Variants in ATP9B observed in about 807,000 individuals in gnomAD.
ATP9B encodes the protein ATPase phospholipid transporting 9B, also known as probable phospholipid-transporting ATPase IIB.
A neutral mutation model predicts 146.1 loss-of-function variants in ATP9B; 110 were observed. That is an observed-to-expected ratio of 0.75 (90% CI 0.65 to 0.88). ATP9B has a LOEUF of 0.88. Among genes scored for constraint, ATP9B ranks in the 40% least tolerant of loss-of-function variants. The pLI is 0.00. For missense variants in ATP9B, 1,499 were observed against 1,496.4 expected, an observed-to-expected ratio of 1.00 and a Z score of -0.03; for synonymous variants, 604 against 569.7, an observed-to-expected ratio of 1.06 and a Z score of -0.86.
chr18:79,268,289 G>A (rs1385043531), intron 12 of ATP9B, among the ~76,000 whole-genome samples: 1 of 151,716 alleles, frequency 6.6e-6, no homozygotes, highest in African/African-American at 2.4e-5. Flanking sequence ...TCTTGTAATT[G>A]GTTTAATTTT....
intron 13 of ATP9B, among the ~76,000 whole-genome samples, chr18:79,282,798 A>G (rs914742350): frequency 6.6e-6 from 1 of 152,154 alleles, no homozygotes; most frequent in African/African-American, 2.4e-5. Context: ...TCAATTGGAA[A>G]GGGCTTTGGA....
rs558448884 is a variant in ATP9B at position 79,098,018 on chromosome 18, A to G, written c.293+1369A>G. 1.5e-4 allele frequency among the ~76,000 whole-genome samples: 23 copies of G among 152,324 alleles called. 1 individual carries two copies. In the South Asian group the frequency reaches 3.9e-3, roughly 26 times the overall value. On this transcript the variant is annotated intron_variant, in intron 2 of 29. Coordinates refer to ENST00000426216, the MANE Select transcript of ATP9B (RefSeq NM_198531.5). The stretch of plus-strand genomic sequence containing the variant: ...ACAAGGCTACAGTAACCAAAACAGC[A>G]TGGTACTTGTACCAAAACAGAGATA...
At chr18:79,217,106 C>T (rs1413676112) in intron 11 of ATP9B, among the ~76,000 whole-genome samples, 11 of 152,264 alleles carry the variant, frequency 7.2e-5, no homozygotes, top group African/African-American at 2.7e-4. Context: ...CGTGACACGT[C>T]TCAAGACAAA....
At chr18:79,303,825 C>A in intron 14 of ATP9B, 109 bp downstream of exon 14, 1 of 651,382 alleles carries the variant, frequency 1.5e-6, no homozygotes, top group South Asian at 2.1e-5. Context: ...TCTTGGTGGT[C>A]TTAACATCCT....
At chr18:79,129,473 G>A (rs1008532169) in intron 5 of ATP9B, among the ~76,000 whole-genome samples, 2 of 152,156 alleles carry the variant, frequency 1.3e-5, no homozygotes, top group African/African-American at 4.8e-5. Flanking sequence ...GCCCAGGACA[G>A]GTTTTGTTTG....
chr18:79,181,744 T>C (rs1197154964), intron 8 of ATP9B, among the ~76,000 whole-genome samples: 4 of 152,238 alleles, frequency 2.6e-5, no homozygotes, highest in Non-Finnish European at 5.9e-5. Flanking sequence ...TCTCTGGATG[T>C]TTCATACGTT....
intron 13 of ATP9B, among the ~76,000 whole-genome samples, chr18:79,293,525 G>A (rs1473519599): frequency 1.3e-5 from 2 of 152,164 alleles, no homozygotes; most frequent in Non-Finnish European, 2.9e-5. Context: ...CTCCCATCAT[G>A]GGGCGGCCTG....
intron 7 of ATP9B, among the ~76,000 whole-genome samples, chr18:79,163,877 C>CACACACA (rs141030618): frequency 6.0e-5 from 9 of 150,388 alleles, no homozygotes; most frequent in African/African-American, 1.7e-4. Flanking sequence ...TATACACACA[C>CACACACA]ACACACACAC....
chr18:79,360,919 C>T (rs1445273975), intron 26 of ATP9B: 1 of 152,154 alleles, frequency 6.6e-6, no homozygotes, highest in African/African-American at 2.4e-5. Flanking sequence ...AGCAAAGATC[C>T]AAAAACTTCG....
chr18:79,299,764 A>G (rs1168837418), intron 13 of ATP9B: 1 of 152,260 alleles, frequency 6.6e-6, no homozygotes, highest in African/African-American at 2.4e-5. Flanking sequence ...AGGTTACAGC[A>G]GGATTTGGAC....
chr18:79,361,175 T>C (rs185280383), intron 26 of ATP9B: 1 of 152,328 alleles, frequency 6.6e-6, no homozygotes, highest in Admixed American at 6.5e-5. Flanking sequence ...AAACTTGTCA[T>C]AGGACTGTCA....
chr18:79,326,419 C>T (rs964906547), intron 15 of ATP9B, among the ~76,000 whole-genome samples: 14 of 134,944 alleles, frequency 1.0e-4, no homozygotes, highest in Admixed American at 2.2e-4. Context: ...TCTGTACCCT[C>T]CCTCCCCTCA....
At chr18:79,199,415 T>A (rs534878120) in intron 9 of ATP9B, among the ~76,000 whole-genome samples, 1 of 152,344 alleles carries the variant, frequency 6.6e-6, no homozygotes, top group African/African-American at 2.4e-5. Flanking sequence ...ATACCTAGTC[T>A]GTAGTCTTTT....
intron 25 of ATP9B, among the ~76,000 whole-genome samples, chr18:79,350,540 A>T (rs12607209): frequency 0.88 from 134,055 of 152,184 alleles, 59,160 homozygotes; most frequent in East Asian, 1. Flanking sequence ...TTATTTCATG[A>T]CTCTACGTGA....
intron 5 of ATP9B, among the ~76,000 whole-genome samples, chr18:79,129,552 C>T (rs1216633292): frequency 6.6e-6 from 1 of 152,074 alleles, no homozygotes; most frequent in Non-Finnish European, 1.5e-5. Flanking sequence ...TTTGTCAGAA[C>T]ACTGGCTGAA....
chr18:79,178,257 C>T (rs921436946), intron 8 of ATP9B, among the ~76,000 whole-genome samples: 5 of 152,130 alleles, frequency 3.3e-5, no homozygotes, highest in African/African-American at 7.2e-5. Flanking sequence ...TCACCAGCAC[C>T]GGATGAGTGA....
chr18:79,107,709 A>G (rs1273993042), intron 2 of ATP9B, among the ~76,000 whole-genome samples: 2 of 152,020 alleles, frequency 1.3e-5, no homozygotes, highest in African/African-American at 4.8e-5. Flanking sequence ...CAAGTGATTC[A>G]TTTTTTTCCC....
intron 25 of ATP9B, among the ~76,000 whole-genome samples, chr18:79,358,980 T>C: frequency 6.6e-6 from 1 of 151,816 alleles, no homozygotes; most frequent in South Asian, 2.1e-4. Flanking sequence ...TCCGTGTGGA[T>C]GCTGGTGGTG....
At chr18:79,180,658 G>A (rs1006897188) in intron 8 of ATP9B, among the ~76,000 whole-genome samples, 3 of 152,154 alleles carry the variant, frequency 2.0e-5, no homozygotes, top group Non-Finnish European at 4.4e-5. Flanking sequence ...TCTTTCCTGT[G>A]TGTTGATCCA....
Sources: allele counts gnomAD v4.1 joint callset (sites outside exome capture counted in the v4.1 genomes callset), GRCh38; gene constraint gnomAD v4.1.1; transcripts MANE v1.5; gene names NCBI Gene and HGNC (gene_info 2026-07-23, HGNC 2026-07-21).